The following HIP1 variants were observed in gnomAD, a reference collection of about 807,000 sequenced individuals.
The protein encoded by HIP1 is huntingtin interacting protein 1, also known as huntingtin-interacting protein 1.
Under a neutral mutation model 147.6 loss-of-function variants are expected in HIP1, and 65 were observed. That is an observed-to-expected ratio of 0.44 (90% CI 0.36 to 0.54). The LOEUF is 0.54. Ranked by LOEUF, HIP1 falls within the 20% of genes least tolerant of loss-of-function variation. HIP1 has a pLI of 0.00. For missense variants in HIP1, 1,061 were observed against 1,299.6 expected (o/e 0.82, Z 2.82); for synonymous variants, 479 against 504.0 (o/e 0.95, Z 0.67).
chr7:75,595,226 TTC>T (rs1491228704), intron 2 of HIP1, among the ~76,000 whole-genome samples: 3 of 103,698 alleles, frequency 2.9e-5, no homozygotes, highest in African/African-American at 1.4e-4. Flanking sequence ...CTTTCTTTCT[TTC>T]TTTCTTTCTT....
chr7:75,703,610 AAAAC>A (rs1800903599), intron 1 of HIP1, among the ~76,000 whole-genome samples: 2 of 152,082 alleles, frequency 1.3e-5, no homozygotes, highest in South Asian at 4.2e-4. Context: ...CTCAAAAAAA[AAAAC>A]AAAACAAAAC....
intron 8 of HIP1, among the ~76,000 whole-genome samples, chr7:75,569,939 C>CTT (rs35481189): frequency 8.9e-5 from 13 of 145,970 alleles, no homozygotes; most frequent in South Asian, 2.2e-4. Context: ...AAAGTACGAA[C>CTT]TTTTTTTTTT....
chr7:75,694,263 G>A (rs1364579459), intron 1 of HIP1, among the ~76,000 whole-genome samples: 1 of 151,868 alleles, frequency 6.6e-6, no homozygotes, highest in African/African-American at 2.4e-5. Context: ...CTCTTTGGAC[G>A]CTTCTGGAAT....
At chr7:75,696,239 C>T (rs189902222) in intron 1 of HIP1, among the ~76,000 whole-genome samples, 2 of 149,848 alleles carry the variant, frequency 1.3e-5, no homozygotes, top group South Asian at 2.1e-4. Context: ...CCACCCACTT[C>T]GGCTTCCCAA....
intron 7 of HIP1, among the ~76,000 whole-genome samples, chr7:75,576,161 C>G (rs893601944): frequency 2.0e-5 from 3 of 150,876 alleles, no homozygotes; most frequent in Non-Finnish European, 4.5e-5. Context: ...CTCAGTCACT[C>G]TGTGCCTCCT....
At chr7:75,736,025 T>C (rs1245000240) in intron 1 of HIP1, among the ~76,000 whole-genome samples, 1 of 151,196 alleles carries the variant, frequency 6.6e-6, no homozygotes, top group Non-Finnish European at 1.5e-5. Context: ...TTGAGGCTAG[T>C]TCAAGACCAG....
In HIP1 at chr7:75,582,116, G is replaced by A. The variant is rs1554498729; in HGVS notation, c.501C>T (p.Asp167=). ...TTTCTCCAGCCTCGTCCAGCTGGCGGTCACTCATCTGCAGGTTGCCTGGGA... is the reference window on the plus strand; with the variant it reads ...TTTCTCCAGCCTCGTCCAGCTGGCGATCACTCATCTGCAGGTTGCCTGGGA... ...PRFPGNLQMS[D]RQLDEAGESD... is the part of the protein sequence containing the mutation. Residue 167 remains aspartate, a synonymous_variant, in exon 6 of 31, where the codon GAC becomes GAT. Coordinates refer to ENST00000336926, the MANE Select transcript of HIP1 (RefSeq NM_005338.7). 4 of 1,614,056 alleles carry A rather than the reference G, an allele frequency of 2.5e-6. No individual in the cohort carries two copies. In the East Asian group the frequency reaches 6.7e-5, roughly 27 times the overall value.
At chr7:75,678,919 ATAG>A (rs2117264996) in intron 1 of HIP1, among the ~76,000 whole-genome samples, 1 of 152,340 alleles carries the variant, frequency 6.6e-6, no homozygotes, top group South Asian at 2.1e-4. Context: ...CAAGAAGGTA[ATAG>A]TAGCCTAAAA....
At chr7:75,561,604 G>A (rs782405647) in intron 12 of HIP1, among the ~76,000 whole-genome samples, 4 of 152,070 alleles carry the variant, frequency 2.6e-5, no homozygotes, top group Non-Finnish European at 5.9e-5. Context: ...GAGATTAAAG[G>A]GGCCAATATT....
chr7:75,608,850 T>C (rs1797324341), intron 1 of HIP1, among the ~76,000 whole-genome samples: 1 of 152,194 alleles, frequency 6.6e-6, no homozygotes, highest in African/African-American at 2.4e-5. Context: ...GCTGATCAGA[T>C]GACGGAGGGC....
intron 1 of HIP1, among the ~76,000 whole-genome samples, chr7:75,721,520 C>A (rs552352881): frequency 6.6e-6 from 1 of 151,410 alleles, no homozygotes; most frequent in Non-Finnish European, 1.5e-5. Flanking sequence ...CACAGCAAGA[C>A]CCTGTCTCAA....
chr7:75,694,210 G>A (rs921450286), intron 1 of HIP1, among the ~76,000 whole-genome samples: 6 of 151,964 alleles, frequency 3.9e-5, no homozygotes, highest in African/African-American at 9.7e-5. Flanking sequence ...GAGCCACCGC[G>A]CCCGGCCCCA....
At chr7:75,599,327 C>G (rs1189531363) in intron 1 of HIP1, 80 bp from the exon 2 acceptor site, 12 of 1,119,436 alleles carry the variant, frequency 1.1e-5, no homozygotes, top group African/African-American at 3.1e-5. Flanking sequence ...CCCAGATGCC[C>G]GCCCCTTTCT....
intron 14 of HIP1, 29 bp downstream of exon 14, chr7:75,559,703 G>GGCCGCC: frequency 5.9e-6 from 7 of 1,195,140 alleles, no homozygotes; most frequent in South Asian, 4.2e-5. Flanking sequence ...TGCCCCCGGG[G>GGCCGCC]CCCGCCCCCG....
intron 4 of HIP1, among the ~76,000 whole-genome samples, chr7:75,588,805 A>T (rs782629929): frequency 9.2e-5 from 14 of 151,998 alleles, no homozygotes; most frequent in Non-Finnish European, 1.9e-4. Flanking sequence ...TCCCCCGCAA[A>T]AAACAAGCAG....
chr7:75,599,455 G>A lies in HIP1; in HGVS notation c.121-208C>T, dbSNP rs587623109. Among the ~76,000 whole-genome samples the A allele has an allele frequency of 1.1e-3, 168 of 152,332 alleles. 1 individual carries two copies. Among genetic ancestry groups the A allele is most frequent in the Non-Finnish European group, 2.9e-4 (20 of 68,024 alleles). Reference sequence around the variant, plus strand: ...CAGCTGGCTGGGCCGTCCTGAGGGAGTGGGCACCACTGCCTGGCATTGGCT... The same window carrying A: ...CAGCTGGCTGGGCCGTCCTGAGGGAATGGGCACCACTGCCTGGCATTGGCT... On this transcript the variant is annotated intron_variant, in intron 1 of 30. Transcript: ENST00000336926.
chr7:75,577,619 T>C (rs77123385), intron 7 of HIP1, among the ~76,000 whole-genome samples: 3,288 of 152,290 alleles, frequency 0.022, 114 homozygotes, highest in African/African-American at 0.075. Context: ...GGGCCTGCTA[T>C]TCACCAGGCA....
At chr7:75,538,289 A>C in intron 30 of HIP1, 65 bp from the exon 31 acceptor site, 1 of 1,250,852 alleles carries the variant, frequency 8.0e-7, no homozygotes. Context: ...TTAACCAACA[A>C]AACCTGCCAC....
intron 1 of HIP1, among the ~76,000 whole-genome samples, chr7:75,637,182 G>C (rs989018468): frequency 1.3e-5 from 2 of 152,326 alleles, no homozygotes; most frequent in Non-Finnish European, 2.9e-5. Flanking sequence ...GAAGCAGGGA[G>C]GGAGGCCTTC....
Sources: gnomAD v4.1 joint callset for allele counts (sites outside exome capture counted in the v4.1 genomes callset) on GRCh38, gnomAD v4.1.1 for gene constraint, MANE v1.5 for transcripts, NCBI Gene and HGNC (gene_info 2026-07-23, HGNC 2026-07-21) for gene names.